Variants in STXBP6 observed in about 807,000 individuals in gnomAD.
STXBP6 encodes the protein syntaxin binding protein 6.
STXBP6 carries 21 observed loss-of-function variants against 26.9 expected under a neutral mutation model. The ratio of observed to expected loss-of-function variants is 0.78; its 90% CI spans 0.55 to 1.12. The LOEUF is 1.12. Among genes scored for constraint, STXBP6 ranks in the 50% most tolerant of loss-of-function variants. STXBP6 has a pLI of 0.00. For synonymous variants in STXBP6, 97 were observed against 92.6 expected (o/e 1.05, Z -0.27); for missense variants, 232 against 257.9 (o/e 0.90, Z 0.69).
chr14:24,970,808 T>C (rs2073885702), intron 2 of STXBP6, among the ~76,000 whole-genome samples: 1 of 152,220 alleles, frequency 6.6e-6, no homozygotes, highest in South Asian at 2.1e-4. Flanking sequence ...GTCATATCAT[T>C]TTTACATTCC....
At chr14:24,820,946 G>C (rs1446571912) in intron 4 of STXBP6, among the ~76,000 whole-genome samples, 1 of 152,210 alleles carries the variant, frequency 6.6e-6, no homozygotes, top group Non-Finnish European at 1.5e-5. Flanking sequence ...CTAGCATACA[G>C]ATAGGTTTTG....
At chr14:25,012,593 C>G (rs953255347) in intron 1 of STXBP6, among the ~76,000 whole-genome samples, 22 of 152,054 alleles carry the variant, frequency 1.4e-4, no homozygotes, top group African/African-American at 5.1e-4. Context: ...AAGCAAGGCT[C>G]TGTCTCAAAA....
chr14:24,965,121 G>C (rs1484033266), intron 2 of STXBP6, among the ~76,000 whole-genome samples: 1 of 152,072 alleles, frequency 6.6e-6, no homozygotes. Context: ...ATCGAGAGTA[G>C]ACTGGTTTAA....
chr14:25,000,362 C>CA (rs1555339689), intron 1 of STXBP6, among the ~76,000 whole-genome samples: 1 of 142,972 alleles, frequency 7.0e-6, no homozygotes, highest in Non-Finnish European at 1.5e-5. Flanking sequence ...CGTGCCTGGC[C>CA]TTTTTTTTTT....
intron 2 of STXBP6, among the ~76,000 whole-genome samples, chr14:24,893,989 G>C (rs552478915): frequency 1.2e-4 from 18 of 152,218 alleles, no homozygotes; most frequent in Non-Finnish European, 2.4e-4. Context: ...TAGGGTTATA[G>C]CATCAAATCA....
intron 2 of STXBP6, among the ~76,000 whole-genome samples, chr14:24,875,356 A>AT (rs1278084233): frequency 3.3e-5 from 5 of 152,232 alleles, no homozygotes; most frequent in Non-Finnish European, 2.9e-5. Flanking sequence ...CACTTTATAG[A>AT]TAAAAATAGT....
At chr14:24,951,735 T>C (rs1165383640) in intron 2 of STXBP6, among the ~76,000 whole-genome samples, 1 of 152,126 alleles carries the variant, frequency 6.6e-6, no homozygotes, top group Non-Finnish European at 1.5e-5. Context: ...TACATAATTA[T>C]ATATTTATAT....
chr14:24,830,766 G>C (rs990888542), intron 4 of STXBP6, among the ~76,000 whole-genome samples: 12 of 152,040 alleles, frequency 7.9e-5, no homozygotes, highest in African/African-American at 2.9e-4. Context: ...CATCTGTAGG[G>C]AGCAACACGA....
At chr14:24,842,228 C>A (rs781752347) in intron 4 of STXBP6, among the ~76,000 whole-genome samples, 10 of 152,152 alleles carry the variant, frequency 6.6e-5, no homozygotes, top group Admixed American at 3.9e-4. Flanking sequence ...CCCTAAGGAG[C>A]AATTGGTCAC....
chr14:24,879,961 T>C (rs1374525888), intron 2 of STXBP6, among the ~76,000 whole-genome samples: 1 of 152,174 alleles, frequency 6.6e-6, no homozygotes, highest in Non-Finnish European at 1.5e-5. Flanking sequence ...CTCCTTTCTA[T>C]CCTCTTGGTG....
chr14:24,939,481 T>C (rs2072725575), intron 2 of STXBP6, among the ~76,000 whole-genome samples: 2 of 151,962 alleles, frequency 1.3e-5, no homozygotes, highest in South Asian at 4.1e-4. Flanking sequence ...TTTTTCCAGT[T>C]ACAGCTCTGT....
At chr14:24,925,770 A>T (rs888940600) in intron 2 of STXBP6, among the ~76,000 whole-genome samples, 2 of 152,194 alleles carry the variant, frequency 1.3e-5, no homozygotes, top group African/African-American at 4.8e-5. Flanking sequence ...AGTATTTTAT[A>T]ATCTGCAAAT....
At chr14:24,941,206 C>A (rs965104763) in intron 2 of STXBP6, among the ~76,000 whole-genome samples, 2 of 152,156 alleles carry the variant, frequency 1.3e-5, no homozygotes, top group African/African-American at 4.8e-5. Flanking sequence ...ATGCTAGATA[C>A]CATATTCACA....
At chr14:24,866,459 G>A (rs34164371) in intron 2 of STXBP6, among the ~76,000 whole-genome samples, 24,508 of 151,962 alleles carry the variant, frequency 0.16, 2,341 homozygotes, top group Non-Finnish European at 0.23. Context: ...GTGTGTGTAT[G>A]TATATACACT....
At chr14:25,017,933 C>T (rs1304882216) in intron 1 of STXBP6, among the ~76,000 whole-genome samples, 2 of 152,144 alleles carry the variant, frequency 1.3e-5, no homozygotes, top group African/African-American at 4.8e-5. Flanking sequence ...GTTCTGTTTG[C>T]TCAGGCTTCT....
chr14:24,919,255 C>T lies in STXBP6; in HGVS notation c.154+55410G>A, dbSNP rs189006663. Among the ~76,000 whole-genome samples, 3 of 152,110 alleles carry T rather than the reference C, an allele frequency of 2.0e-5. No homozygotes were observed. In the East Asian group the frequency reaches 5.8e-4, roughly 29 times the overall value. On this transcript the variant is annotated intron_variant, in intron 2 of 5. Transcript: ENST00000323944. The stretch of plus-strand genomic sequence containing the variant: ...TTAAAATAACCTTATCACCAAGTCT[C>T]ATTCTGGCATGGGTAATATGGTACT...
chr14:24,904,884 A>G (rs937016030), intron 2 of STXBP6, among the ~76,000 whole-genome samples: 1 of 151,944 alleles, frequency 6.6e-6, no homozygotes, highest in African/African-American at 2.4e-5. Flanking sequence ...AAGCAGTTCT[A>G]TTTGATTAGA....
At chr14:24,820,492 C>T (rs2068104280) in intron 4 of STXBP6, among the ~76,000 whole-genome samples, 1 of 152,200 alleles carries the variant, frequency 6.6e-6, no homozygotes, top group South Asian at 2.1e-4. Context: ...TTGCATCAAG[C>T]ACTACATGAA....
rs2077250 is a variant in STXBP6 at position 24,845,571 on chromosome 14, G to T, written c.451+10365C>A. On this transcript the variant is annotated intron_variant, in intron 4 of 5. Transcript: ENST00000323944. ...ATTAGCAGAAGTAATATAGTCTATA[G>T]GACATATATAAAAGTATATCTTATA... Among the ~76,000 whole-genome samples the T allele has an allele frequency of 8.5e-4, 129 of 152,084 alleles. 1 individual carries two copies. The highest frequency in any genetic ancestry group is 3.1e-3 in the African/African-American group (127 of 41,442).
Sources: gnomAD v4.1 joint callset for allele counts (sites outside exome capture counted in the v4.1 genomes callset) on GRCh38, gnomAD v4.1.1 for gene constraint, MANE v1.5 for transcripts, NCBI Gene and HGNC (gene_info 2026-07-23, HGNC 2026-07-21) for gene names.